The following TAFA1 variants were observed in gnomAD, a reference collection of about 807,000 sequenced individuals.
TAFA1 encodes the protein chemokine-like protein TAFA-1.
Under a neutral mutation model 18.5 loss-of-function variants are expected in TAFA1, and 4 were observed. The ratio of observed to expected loss-of-function variants is 0.22; its 90% CI spans 0.11 to 0.49. TAFA1 has a LOEUF of 0.49. Among genes scored for constraint, TAFA1 ranks in the 20% least tolerant of loss-of-function variants. The pLI, the probability that TAFA1 is intolerant of heterozygous loss-of-function variation, is 0.98. For missense variants in TAFA1, 147 were observed against 169.0 expected (o/e 0.87, Z 0.72); for synonymous variants, 56 against 55.2 (o/e 1.01, Z -0.06).
intron 2 of TAFA1, among the ~76,000 whole-genome samples, chr3:68,158,016 C>A (rs934847643): frequency 6.6e-5 from 10 of 152,150 alleles, no homozygotes; most frequent in African/African-American, 1.9e-4. Flanking sequence ...CAATAGCTTT[C>A]TCTTAGAATG....
chr3:68,485,502 T>A (rs986026432), intron 3 of TAFA1, among the ~76,000 whole-genome samples: 1 of 152,214 alleles, frequency 6.6e-6, no homozygotes, highest in African/African-American at 2.4e-5. Flanking sequence ...CCACTCCTTA[T>A]GCAATATTGA....
chr3:68,529,847 A>T (rs138820319), intron 3 of TAFA1, among the ~76,000 whole-genome samples: 6 of 152,314 alleles, frequency 3.9e-5, no homozygotes, highest in Admixed American at 3.3e-4. Flanking sequence ...AATGCCTCCC[A>T]TTAGGCCCCA....
chr3:68,538,326 C>G (rs968850992), intron 3 of TAFA1, among the ~76,000 whole-genome samples: 3 of 152,106 alleles, frequency 2.0e-5, no homozygotes, highest in Admixed American at 1.3e-4. Flanking sequence ...AACTTTGTGG[C>G]CTTTCATTAG....
At position 68,444,734 on chromosome 3, in the gene TAFA1, C is replaced by A. The variant is rs577693686; in HGVS notation, c.259+27314C>A. 5.1e-4 allele frequency among the ~76,000 whole-genome samples: 74 copies of A among 146,464 alleles called. No individual in the cohort carries two copies. The South Asian group carries it at 9.1e-3, about 18-fold the overall frequency. Reference sequence around the variant, plus strand: ...ATTACTTAAGGCCAGGAGTTTTAGACCAGCCTGGGCAACACAGCGAGACCT... The same window carrying A: ...ATTACTTAAGGCCAGGAGTTTTAGAACAGCCTGGGCAACACAGCGAGACCT... On this transcript the variant is annotated intron_variant, in intron 3 of 4. Transcript: ENST00000478136.
At chr3:68,062,984 G>A (rs2106729867) in intron 2 of TAFA1, among the ~76,000 whole-genome samples, 1 of 152,198 alleles carries the variant, frequency 6.6e-6, no homozygotes, top group South Asian at 2.1e-4. Flanking sequence ...CAACTCAAAT[G>A]CCCACAGGGG....
intron 2 of TAFA1, among the ~76,000 whole-genome samples, chr3:68,306,086 G>C (rs2068415533): frequency 6.6e-6 from 1 of 152,212 alleles, no homozygotes; most frequent in South Asian, 2.1e-4. Context: ...GCAAGGGCTA[G>C]ATATTTGAAA....
chr3:68,420,714 G>T (rs1271302324), intron 3 of TAFA1, among the ~76,000 whole-genome samples: 1 of 152,124 alleles, frequency 6.6e-6, no homozygotes, highest in Non-Finnish European at 1.5e-5. Context: ...TGAACATCCT[G>T]CAATGCCCAG....
intron 3 of TAFA1, among the ~76,000 whole-genome samples, chr3:68,480,777 G>A (rs779194308): frequency 6.6e-6 from 1 of 152,116 alleles, no homozygotes; most frequent in Non-Finnish European, 1.5e-5. Context: ...GATATGGTTT[G>A]GCTGTGTCCC....
intron 2 of TAFA1, among the ~76,000 whole-genome samples, chr3:68,181,016 AACAC>A (rs909999587): frequency 1.1e-4 from 16 of 152,324 alleles, no homozygotes; most frequent in African/African-American, 3.8e-4. Context: ...ATGCTGCATA[AACAC>A]ACAAAGTACG....
At chr3:68,179,543 TTG>T (rs956814272) in intron 2 of TAFA1, among the ~76,000 whole-genome samples, 1 of 152,200 alleles carries the variant, frequency 6.6e-6, no homozygotes, top group Non-Finnish European at 1.5e-5. Flanking sequence ...TCTGTACTCC[TTG>T]TGTTTCTAAA....
At chr3:68,492,059 G>A (rs758109354) in intron 3 of TAFA1, among the ~76,000 whole-genome samples, 1 of 152,116 alleles carries the variant, frequency 6.6e-6, no homozygotes, top group Admixed American at 6.5e-5. Flanking sequence ...AAGCAGTTCT[G>A]TACTTACATA....
At chr3:68,454,875 T>A (rs569141650) in intron 3 of TAFA1, among the ~76,000 whole-genome samples, 1 of 152,238 alleles carries the variant, frequency 6.6e-6, no homozygotes, top group African/African-American at 2.4e-5. Flanking sequence ...AATTGACAAA[T>A]AAATGTATAC....
chr3:68,200,750 TA>T (rs1197752189), intron 2 of TAFA1, among the ~76,000 whole-genome samples: 2 of 151,636 alleles, frequency 1.3e-5, no homozygotes, highest in African/African-American at 2.4e-5. Context: ...TTCTTTTTTT[TA>T]AAATTAGCCT....
In TAFA1 at chr3:68,117,696, A is replaced by G. The variant is rs184507732; in HGVS notation, c.118+110952A>G. On this transcript the variant is annotated intron_variant, in intron 2 of 4. Coordinates refer to ENST00000478136, the MANE Select transcript of TAFA1 (RefSeq NM_213609.4). Reference sequence around the variant, plus strand: ...ATATTGCTTTATAAATAGGGAACACAATAACAAATAGCCTGAAAGTATAGT... The same window carrying G: ...ATATTGCTTTATAAATAGGGAACACGATAACAAATAGCCTGAAAGTATAGT... Among the ~76,000 whole-genome samples the G allele has an allele frequency of 1.1e-3, 174 of 152,364 alleles. 2 individuals are homozygous for G. Among genetic ancestry groups the G allele is most frequent in the African/African-American group, 4.0e-3 (165 of 41,574 alleles).
intron 3 of TAFA1, among the ~76,000 whole-genome samples, chr3:68,498,401 T>TCA (rs138248732): frequency 0.21 from 31,569 of 151,988 alleles, 3,354 homozygotes; most frequent in Middle Eastern, 0.24. Context: ...GGGTTATAAA[T>TCA]CAGAGATTAA....
intron 3 of TAFA1, among the ~76,000 whole-genome samples, chr3:68,481,417 C>T (rs894960571): frequency 2.0e-5 from 3 of 152,180 alleles, no homozygotes; most frequent in Admixed American, 1.3e-4. Context: ...AAAACTAATA[C>T]AGACCTTCAT....
At chr3:68,251,734 T>C (rs189047581) in intron 2 of TAFA1, among the ~76,000 whole-genome samples, 18 of 152,234 alleles carry the variant, frequency 1.2e-4, no homozygotes, top group African/African-American at 4.3e-4. Flanking sequence ...ATGGCCTCTG[T>C]GAGTGAAATG....
chr3:68,027,253 A>G (rs1026150348), intron 2 of TAFA1, among the ~76,000 whole-genome samples: 8 of 152,148 alleles, frequency 5.3e-5, no homozygotes, highest in Admixed American at 5.2e-4. Context: ...TTTGAGGTAG[A>G]CTATTTCAAT....
chr3:68,044,607 A>AATTTCATC (rs1360721628), intron 2 of TAFA1, among the ~76,000 whole-genome samples: 1 of 152,212 alleles, frequency 6.6e-6, no homozygotes, highest in African/African-American at 2.4e-5. Context: ...CACTGAAAAC[A>AATTTCATC]ATTTCATCTT....
Sources: allele counts gnomAD v4.1 joint callset (sites outside exome capture counted in the v4.1 genomes callset), GRCh38; gene constraint gnomAD v4.1.1; transcripts MANE v1.5; gene names NCBI Gene and HGNC (gene_info 2026-07-23, HGNC 2026-07-21).